The following MAPK8IP2 variants were observed in gnomAD, a reference collection of about 807,000 sequenced individuals.
The protein encoded by MAPK8IP2 is mitogen-activated protein kinase 8 interacting protein 2, also known as C-Jun-amino-terminal kinase-interacting protein 2.
In MAPK8IP2, 15 loss-of-function variants were observed where a neutral mutation model predicts 75.6. That is an observed-to-expected ratio of 0.20 (90% CI 0.13 to 0.31). The LOEUF (loss-of-function observed/expected upper bound fraction) is 0.31. Ranked by LOEUF, MAPK8IP2 falls within the 10% of genes least tolerant of loss-of-function variation. The pLI, the probability that MAPK8IP2 is intolerant of heterozygous loss-of-function variation, is 1.00. For missense variants in MAPK8IP2, 1,089 were observed against 1,211.2 expected (o/e 0.90, Z 1.50); for synonymous variants, 632 against 554.5 (o/e 1.14, Z -1.96).
Position 50,605,332 on chromosome 22 carries a change from C to T in MAPK8IP2, c.1766-36C>T, listed in dbSNP as rs189555695. ...TAAGCACTACTCTGACTCTGTCTCC[C>T]TGTCTCCCCCGCCTCTGTCCTGCCG... On this transcript the variant is annotated intron_variant, in intron 5 of 11. Transcript: ENST00000329492. 1.6e-5 allele frequency: 26 copies of T among 1,596,214 alleles called. No homozygotes were observed. In the Admixed American group the frequency reaches 3.8e-4, roughly 24 times the overall value.
In MAPK8IP2 at chr22:50,603,453, C is replaced by T. The variant is rs765128764; in HGVS notation, c.402C>T (p.His134=). The T allele has an allele frequency of 2.4e-5, 38 of 1,567,996 alleles. No homozygotes were observed. Among genetic ancestry groups the T allele is most frequent in the Non-Finnish European group, 3.3e-5 (38 of 1,154,614 alleles). ...CCTCCCCTTCCGTGGAGGAGCCCCA[C>T]AAGCACCGGCCCACCACCCTCCGTC... is the stretch of plus-strand genomic sequence containing the variant. The part of the protein sequence containing the change: ...LIPSPSVEEP[H]KHRPTTLRLT... The change falls in exon 3 of 12, where the codon CAC becomes CAT. Residue 134 remains histidine, a synonymous_variant. Transcript: ENST00000329492.
intron 2 of MAPK8IP2, among the ~76,000 whole-genome samples, chr22:50,602,501 G>T (rs772463446): frequency 1.3e-5 from 2 of 152,222 alleles, no homozygotes; most frequent in African/African-American, 4.8e-5. Flanking sequence ...GGCTGCCCAC[G>T]TGTCAAGGGC....
Position 50,603,952 on chromosome 22 carries a change from G to T in MAPK8IP2, c.653G>T (p.Gly218Val), listed in dbSNP as rs1459151449. The T allele has an allele frequency of 1.3e-6, 2 of 1,548,038 alleles. No individual in the cohort carries two copies. Among genetic ancestry groups the T allele is most frequent in the Non-Finnish European group, 1.7e-6 (2 of 1,152,186 alleles). Residue 218 changes from glycine to valine, a missense_variant, in exon 5 of 12, where the codon GGG becomes GTG. Physicochemically the swap from Gly to Val is moderately radical, Grantham distance 109. Coordinates refer to ENST00000329492, the MANE Select transcript of MAPK8IP2 (RefSeq NM_012324.6). ...GNRPAEPPAP[G>V]GTSPSSDPGI... ...CGGCCTGCGGAACCCCCTGCGCCAG[G>T]GGGGACTTCGCCCTCCTCAGATCCC...
In MAPK8IP2 at chr22:50,610,637, G is replaced by A. The variant is rs2071132494; in HGVS notation, c.2403-70G>A. 34 of 1,265,452 alleles carry A rather than the reference G, an allele frequency of 2.7e-5. 1 individual carries two copies. The South Asian group carries it at 3.8e-4, about 14-fold the overall frequency. 78.4% of individuals were successfully genotyped at this position (1,265,452 alleles called of 1,614,324 possible). On this transcript the variant is annotated intron_variant, in intron 11 of 11. Transcript: ENST00000329492. This position sits in a 1 kb window ranked among gnomAD's most constrained non-coding sequence, Gnocchi z 4.3. ...GGGAGGAAGGAGGGAGAGCTCAGAG[G>A]CTCTGTGGAAGGCAGTTTGGGGGTT...
At chr22:50,603,773 G>T in intron 4 of MAPK8IP2, 54 bp downstream of exon 4, 2 of 1,541,648 alleles carry the variant, frequency 1.3e-6, no homozygotes, top group Non-Finnish European at 1.8e-6. Flanking sequence ...AGGGCAGGGA[G>T]GATGGACTGG....
rs1447730638 is a variant in MAPK8IP2, at chr22:50,604,366, G to A, written c.1067G>A (p.Ser356Asn). Residue 356 changes from serine (S) to asparagine (N), a missense_variant, in exon 5 of 12, where the codon AGC becomes AAC. By Grantham distance (46) the Ser-to-Asn change is conservative. Around this residue, in one of 2 missense-constraint regions of MAPK8IP2, gnomAD observed 960 missense variants for 1,009.6 expected, o/e 0.95. Transcript: ENST00000329492. ...DSPWLLSNLV[S>N]RMISEGSSPI... ...CCCTGGCTGCTCAGCAACCTGGTGAGCCGCATGATCTCCGAGGGCTCCTCG... is the reference window on the plus strand; with the variant it reads ...CCCTGGCTGCTCAGCAACCTGGTGAACCGCATGATCTCCGAGGGCTCCTCG... 1 of 1,532,868 alleles carries A rather than the reference G, an allele frequency of 6.5e-7. No individual in the cohort carries two copies. Among genetic ancestry groups the A allele is most frequent in the Admixed American group, 2.0e-5 (1 of 50,916 alleles). 95.0% of individuals were successfully genotyped at this position (1,532,868 alleles called of 1,614,324 possible).
chr22:50,601,482 GACCC>G, intron 1 of MAPK8IP2: 1 of 326,132 alleles, frequency 3.1e-6, no homozygotes, highest in Non-Finnish European at 5.9e-6. Context: ...TGCTCTGCAA[GACCC>G]TGACCCCAGG....
At chr22:50,605,208 T>A in intron 5 of MAPK8IP2, 144 bp downstream of exon 5, 1 of 1,112,196 alleles carries the variant, frequency 9.0e-7, no homozygotes, top group Non-Finnish European at 1.3e-6. Context: ...ACCCAGGACA[T>A]GGCATGAGGT....
chr22:50,605,186 G>A, intron 5 of MAPK8IP2, 122 bp downstream of exon 5: 1 of 1,271,664 alleles, frequency 7.9e-7, no homozygotes, highest in Non-Finnish European at 1.1e-6. Flanking sequence ...TCAGGGCTGG[G>A]TGCCCTCTCC....
chr22:50,610,113 C>T lies in MAPK8IP2; in HGVS notation c.2304-99C>T, dbSNP rs1569068763. ...CACACTCCTGTCCCTTACCCTCTCC[C>T]CAAGCCCTTTGTTCCTGCCTCTTCT... On this transcript the variant is annotated intron_variant, in intron 10 of 11. Coordinates refer to ENST00000329492, the MANE Select transcript of MAPK8IP2 (RefSeq NM_012324.6). The surrounding 1 kb of genome is among the most constrained non-coding windows in gnomAD (Gnocchi z 4.3). The T allele has an allele frequency of 1.2e-6, 1 of 864,538 alleles. No homozygotes were observed. The highest frequency in any genetic ancestry group is 1.7e-5 in the African/African-American group (1 of 60,024). 53.6% of individuals were successfully genotyped at this position (864,538 alleles called of 1,614,324 possible). A position where few individuals can be genotyped will look rare whatever the true frequency, so the allele number is the denominator to read the frequency against.
At position 50,610,884 on chromosome 22, in the gene MAPK8IP2, A is replaced by G. The variant is rs192623307; in HGVS notation, c.*105A>G. On this transcript the variant is annotated 3_prime_UTR_variant, in exon 12 of 12. Coordinates refer to ENST00000329492, the MANE Select transcript of MAPK8IP2 (RefSeq NM_012324.6). The surrounding 1 kb of genome is among the most constrained non-coding windows in gnomAD (Gnocchi z 4.3). ...TTGGCAAGGACTGGATTGGGGGGAC[A>G]TGGGACCTTACGCTTGTGGGGGTCT... The G allele has an allele frequency of 3.4e-4, 336 of 995,042 alleles. 1 individual carries two copies. In the African/African-American group the frequency reaches 5.0e-3, roughly 15 times the overall value. The allele number at this position is 995,042 out of a possible 1,614,324, so 61.6% of individuals were successfully genotyped here.
At chr22:50,603,529 C>T in intron 3 of MAPK8IP2, 31 bp downstream of exon 3, 3 of 1,572,136 alleles carry the variant, frequency 1.9e-6, no homozygotes, top group East Asian at 2.3e-5. Flanking sequence ...CTCCCTGGAG[C>T]TGAGCCTGGG....
At position 50,611,582 on chromosome 22, in the gene MAPK8IP2, G is replaced by A. The variant is rs2071152028; in HGVS notation, c.*803G>A. On this transcript the variant is annotated 3_prime_UTR_variant, in exon 12 of 12. Transcript: ENST00000329492. The surrounding 1 kb of genome is among the most constrained non-coding windows in gnomAD (Gnocchi z 5.5). ...TGTTTCTAGAGGGTGCTAAGACATG[G>A]GGCCAGGTGCCCAGGGGCTGCCCAT... 1 of 152,360 alleles carries A rather than the reference G, an allele frequency of 6.6e-6. No homozygotes were observed. Among genetic ancestry groups the A allele is most frequent in the Non-Finnish European group, 1.5e-5 (1 of 68,114 alleles). The allele number at this position is 152,360 out of a possible 1,614,324, so 9.4% of individuals were successfully genotyped here. A position where few individuals can be genotyped will look rare whatever the true frequency, so the allele number is the denominator to read the frequency against.
rs1382533757 is a variant in MAPK8IP2 at position 50,612,825 on chromosome 22, G to A, written c.*2046G>A. 2.0e-5 allele frequency: 3 copies of A among 152,946 alleles called. No homozygotes were observed. Among genetic ancestry groups the A allele is most frequent in the African/African-American group, 4.9e-5 (2 of 40,956 alleles). The allele number at this position is 152,946 out of a possible 1,614,324, so 9.5% of individuals were successfully genotyped here. ...CCTCCTCCCTCTGCTCTTCCACTCA[G>A]GTGAGAATTCTCCAAGCCCTGCCCT... On this transcript the variant is annotated 3_prime_UTR_variant, in exon 12 of 12. Transcript: ENST00000329492.
At position 50,607,660 on chromosome 22, in the gene MAPK8IP2, C is replaced by T. The variant is rs892922358; in HGVS notation, c.2303+669C>T. On this transcript the variant is annotated intron_variant, in intron 10 of 11. Transcript: ENST00000329492. The surrounding 1 kb of genome is among the most constrained non-coding windows in gnomAD (Gnocchi z 5.6). Reference sequence around the variant, plus strand: ...GCTGTAGAGGGTGACCTGGAAGAGACCAGGGTGACGTCTCCCTGGGGGATG... The same window carrying T: ...GCTGTAGAGGGTGACCTGGAAGAGATCAGGGTGACGTCTCCCTGGGGGATG... Among the ~76,000 whole-genome samples the T allele has an allele frequency of 6.6e-5, 10 of 151,728 alleles. No individual in the cohort carries two copies. Among genetic ancestry groups the T allele is most frequent in the African/African-American group, 2.2e-4 (9 of 41,226 alleles).
rs1334245289 is a variant in MAPK8IP2 at position 50,606,592 on chromosome 22, A to C, written c.2125-66A>C. The stretch of plus-strand genomic sequence containing the variant: ...CTAAAAGGAGCAGAGGCGTAGTCCC[A>C]CCAAGGGGAAAGAAAGGCCCTTGTG... On this transcript the variant is annotated intron_variant, in intron 8 of 11. Transcript: ENST00000329492. 13 of 1,129,268 alleles carry C rather than the reference A, an allele frequency of 1.2e-5. No homozygotes were observed. The East Asian group carries it at 3.3e-4, about 29-fold the overall frequency. The allele number at this position is 1,129,268 out of a possible 1,614,324, so 70.0% of individuals were successfully genotyped here.
At chr22:50,602,328 C>T (rs931171809) in intron 2 of MAPK8IP2, among the ~76,000 whole-genome samples, 11 of 152,358 alleles carry the variant, frequency 7.2e-5, no homozygotes, top group African/African-American at 2.4e-4. Context: ...CTTGCTTCTC[C>T]TCCTCCCTGT....
rs908416819 is a variant in MAPK8IP2 at position 50,612,285 on chromosome 22, G to A, written c.*1506G>A. On this transcript the variant is annotated 3_prime_UTR_variant, in exon 12 of 12. Coordinates refer to ENST00000329492, the MANE Select transcript of MAPK8IP2 (RefSeq NM_012324.6). Reference sequence around the variant, plus strand: ...TTTTTCACTATGTGCTTAGGTGACTGCAGATGCCCGGCAATGTTCCCTCCC... The same window carrying A: ...TTTTTCACTATGTGCTTAGGTGACTACAGATGCCCGGCAATGTTCCCTCCC... 14 of 152,194 alleles carry A rather than the reference G, an allele frequency of 9.2e-5. No individual in the cohort carries two copies. Among genetic ancestry groups the A allele is most frequent in the African/African-American group, 2.7e-4 (11 of 41,458 alleles). 9.4% of individuals were successfully genotyped at this position (152,194 alleles called of 1,614,324 possible).
chr22:50,606,787 G>A, intron 9 of MAPK8IP2, 22 bp downstream of exon 9: 4 of 1,574,886 alleles, frequency 2.5e-6, no homozygotes, highest in Non-Finnish European at 3.5e-6. Context: ...GGGGACTGGG[G>A]ACCGGGGACT....
Sources: gnomAD v4.1 joint callset for allele counts (sites outside exome capture counted in the v4.1 genomes callset) on GRCh38, gnomAD v4.1.1 for gene constraint, gnomAD v4.1.1 regional missense constraint, Gnocchi (gnomAD v3.1) non-coding constraint, MANE v1.5 for transcripts, NCBI Gene and HGNC (gene_info 2026-07-23, HGNC 2026-07-21) for gene names.